The following FAM174B variants were observed in gnomAD, a reference collection of about 807,000 sequenced individuals.
The protein encoded by FAM174B is membrane protein FAM174B.
Under a neutral mutation model 10.9 loss-of-function variants are expected in FAM174B, and 12 were observed. That is an observed-to-expected ratio of 1.10 (90% CI 0.71 to 1.79). The LOEUF (loss-of-function observed/expected upper bound fraction) is 1.79, where lower values mean the gene tolerates loss of function less well. FAM174B is among the 40% of genes most tolerant of loss of function. FAM174B has a pLI of 0.00. For synonymous variants in FAM174B, 132 were observed against 115.8 expected (o/e 1.14, Z -0.90); for missense variants, 266 against 233.3 (o/e 1.14, Z -0.91).
rs2050701646 is a variant in FAM174B, at chr15:92,619,191, T to C, written c.*265A>G. The C allele has an allele frequency of 1.4e-6, 1 of 702,522 alleles. No individual in the cohort carries two copies. The highest frequency in any genetic ancestry group is 2.6e-6 in the Non-Finnish European group (1 of 384,900). 43.5% of individuals were successfully genotyped at this position (702,522 alleles called of 1,614,324 possible). A position where few individuals can be genotyped will look rare whatever the true frequency, so the allele number is the denominator to read the frequency against. On this transcript the variant is annotated 3_prime_UTR_variant, in exon 3 of 3. Transcript: ENST00000327355. ...CTCCTTAGCAAGGCACAAAGCCTCT[T>C]ACATGGGGAGTAGAAGTAGGGGGCA...
chr15:92,655,702 T>A lies in FAM174B; in HGVS notation c.-43A>T. ...CAGGATCGGGCAGGGCGCGCGCGGC[T>A]GAGCTCCAGGATCCGCACCAGCACG... On this transcript the variant is annotated 5_prime_UTR_variant, in exon 1 of 3. Coordinates refer to ENST00000327355, the MANE Select transcript of FAM174B (RefSeq NM_207446.3). 1.6e-6 allele frequency: 2 copies of A among 1,230,422 alleles called. No individual in the cohort carries two copies. Among genetic ancestry groups the A allele is most frequent in the Non-Finnish European group, 2.0e-6 (2 of 986,326 alleles). 76.2% of individuals were successfully genotyped at this position (1,230,422 alleles called of 1,614,324 possible).
At chr15:92,645,080 C>CG (rs1280383435) in intron 1 of FAM174B, among the ~76,000 whole-genome samples, 2 of 152,246 alleles carry the variant, frequency 1.3e-5, no homozygotes, top group African/African-American at 4.8e-5. Context: ...TTAGGTCCTA[C>CG]GTGCCAAGCA....
chr15:92,621,985 C>A (rs1000308394), intron 2 of FAM174B, among the ~76,000 whole-genome samples: 2 of 152,142 alleles, frequency 1.3e-5, no homozygotes, highest in African/African-American at 4.8e-5. Flanking sequence ...TTTTAAAGAC[C>A]AAGAATCGGA....
chr15:92,632,456 G>A (rs556055668), intron 1 of FAM174B, among the ~76,000 whole-genome samples: 3 of 152,314 alleles, frequency 2.0e-5, no homozygotes, highest in South Asian at 4.1e-4. Context: ...GGCAGAGGTT[G>A]CAGTGAGCTG....
In FAM174B at chr15:92,630,089, G is replaced by A. The variant is rs1235184335; in HGVS notation, c.476+125C>T. On this transcript the variant is annotated intron_variant, in intron 2 of 2. Coordinates refer to ENST00000327355, the MANE Select transcript of FAM174B (RefSeq NM_207446.3). ...AAGATCAGAGCAGGTCTCTCCACGTGCAGAACACCCCAGGACCCAACACTT... is the reference window on the plus strand; with the variant it reads ...AAGATCAGAGCAGGTCTCTCCACGTACAGAACACCCCAGGACCCAACACTT... 1.8e-5 allele frequency: 16 copies of A among 868,052 alleles called. No individual in the cohort carries two copies. The South Asian group carries it at 1.9e-4, about 10-fold the overall frequency. The allele number at this position is 868,052 out of a possible 1,614,324, so 53.8% of individuals were successfully genotyped here.
chr15:92,636,532 T>G (rs558254069), intron 1 of FAM174B, among the ~76,000 whole-genome samples: 1 of 152,190 alleles, frequency 6.6e-6, no homozygotes, highest in Non-Finnish European at 1.5e-5. Context: ...AAGCAGGCAG[T>G]CCAGTGACCA....
intron 2 of FAM174B, among the ~76,000 whole-genome samples, chr15:92,628,971 A>G (rs1596295790): frequency 2.0e-5 from 3 of 152,326 alleles, no homozygotes. Flanking sequence ...TGGCAAAGTC[A>G]ATGTAAAAGT....
intron 1 of FAM174B, among the ~76,000 whole-genome samples, chr15:92,642,107 A>AC (rs1411316916): frequency 1.3e-5 from 2 of 152,224 alleles, no homozygotes; most frequent in Admixed American, 1.3e-4. Context: ...AATTAAACAC[A>AC]CAACGAGATA....
At chr15:92,630,007 T>A (rs1758320783) in intron 2 of FAM174B, among the ~76,000 whole-genome samples, 1 of 152,190 alleles carries the variant, frequency 6.6e-6, no homozygotes, top group African/African-American at 2.4e-5. Flanking sequence ...AACCTCTCTT[T>A]ATACATTTCC....
chr15:92,646,245 A>C (rs936361249), intron 1 of FAM174B, among the ~76,000 whole-genome samples: 2 of 152,086 alleles, frequency 1.3e-5, no homozygotes, highest in African/African-American at 2.4e-5. Context: ...CCCTGTGATT[A>C]CTTCACTCTT....
At chr15:92,652,662 T>C (rs1403742491) in intron 1 of FAM174B, among the ~76,000 whole-genome samples, 1 of 152,112 alleles carries the variant, frequency 6.6e-6, no homozygotes, top group Non-Finnish European at 1.5e-5. Flanking sequence ...CAGATATTAT[T>C]GCAATTCAGG....
chr15:92,648,899 A>G (rs1182823116), intron 1 of FAM174B, among the ~76,000 whole-genome samples: 1 of 152,252 alleles, frequency 6.6e-6, no homozygotes, highest in Non-Finnish European at 1.5e-5. Context: ...AAACAATAAT[A>G]ACATGATCCT....
intron 1 of FAM174B, among the ~76,000 whole-genome samples, chr15:92,647,569 G>A (rs1052016249): frequency 6.6e-6 from 1 of 152,164 alleles, no homozygotes; most frequent in Non-Finnish European, 1.5e-5. Context: ...CCCTTTTGGA[G>A]TTTAGGCACA....
intron 1 of FAM174B, among the ~76,000 whole-genome samples, 168 bp from the exon 2 acceptor site, chr15:92,630,513 T>C (rs1417922353): frequency 6.6e-6 from 1 of 151,802 alleles, no homozygotes; most frequent in Admixed American, 6.6e-5. Context: ...CACTGCTGCC[T>C]CCAGCCTGGC....
chr15:92,655,771 T>C lies in FAM174B; in HGVS notation c.-112A>G. The C allele has an allele frequency of 1.0e-6, 1 of 990,214 alleles. No homozygotes were observed. Among genetic ancestry groups the C allele is most frequent in the Non-Finnish European group, 1.3e-6 (1 of 786,406 alleles). The allele number at this position is 990,214 out of a possible 1,614,324, so 61.3% of individuals were successfully genotyped here. On this transcript the variant is annotated 5_prime_UTR_variant, in exon 1 of 3. Transcript: ENST00000327355. ...TCCTGCGGCGGAGGCGGCTGCGCGG[T>C]GCTTGGCAGGAAGCTGCGGCGCCCG...
rs1014257269 is a variant in FAM174B, at chr15:92,620,514, G to C, written c.477-1055C>G. On this transcript the variant is annotated intron_variant, in intron 2 of 2. Transcript: ENST00000327355. Reference sequence around the variant, plus strand: ...CTCCGTCTCAAAAAAATAAGCATAAGTTTAAAAACTAAATCTGTGGCCAGG... The same window carrying C: ...CTCCGTCTCAAAAAAATAAGCATAACTTTAAAAACTAAATCTGTGGCCAGG... 2.7e-5 allele frequency among the ~76,000 whole-genome samples: 4 copies of C among 150,184 alleles called. No individual in the cohort carries two copies. In the East Asian group the frequency reaches 5.9e-4, roughly 22 times the overall value.
Position 92,655,717 on chromosome 15 carries a change from G to A in FAM174B, c.-58C>T, listed in dbSNP as rs2051001492. 1.2e-5 allele frequency: 15 copies of A among 1,207,202 alleles called. No individual in the cohort carries two copies. In the South Asian group the frequency reaches 3.5e-4, roughly 28 times the overall value. The allele number at this position is 1,207,202 out of a possible 1,614,324, so 74.8% of individuals were successfully genotyped here. A position where few individuals can be genotyped will look rare whatever the true frequency, so the allele number is the denominator to read the frequency against. On this transcript the variant is annotated 5_prime_UTR_variant, in exon 1 of 3. Coordinates refer to ENST00000327355, the MANE Select transcript of FAM174B (RefSeq NM_207446.3). ...CGCGCGCGGCTGAGCTCCAGGATCC[G>A]CACCAGCACGGAGGCCTGCACCGGG...
chr15:92,628,216 G>C (rs948840960), intron 2 of FAM174B, among the ~76,000 whole-genome samples: 1 of 151,436 alleles, frequency 6.6e-6, no homozygotes, highest in Non-Finnish European at 1.5e-5. Context: ...CCAGGCTGGA[G>C]TGCAGTGGCA....
chr15:92,655,176 C>T, intron 1 of FAM174B, 140 bp downstream of exon 1: 6 of 1,252,888 alleles, frequency 4.8e-6, no homozygotes, highest in Non-Finnish European at 6.2e-6. Flanking sequence ...CCCACTCTCC[C>T]GGGCAGGGCA....
Sources: allele counts gnomAD v4.1 joint callset (sites outside exome capture counted in the v4.1 genomes callset), GRCh38; gene constraint gnomAD v4.1.1; transcripts MANE v1.5; gene names NCBI Gene and HGNC (gene_info 2026-07-23, HGNC 2026-07-21).